The following ZNF804B variants were observed in gnomAD, a reference collection of about 807,000 sequenced individuals.
ZNF804B encodes zinc finger 804B.
ZNF804B carries 80 observed loss-of-function variants against 101.4 expected under a neutral mutation model. That is an observed-to-expected ratio of 0.79 (90% CI 0.66 to 0.95). The LOEUF is 0.95. Ranked by LOEUF, ZNF804B falls within the 40% of genes least tolerant of loss-of-function variation. The probability of loss-of-function intolerance (pLI) is 0.00; values close to 1 mark genes in which losing one functional copy is unlikely to be tolerated. For missense variants in ZNF804B, 1,673 were observed against 1,561.9 expected (o/e 1.07, Z -1.20); for synonymous variants, 622 against 558.8 (o/e 1.11, Z -1.59).
At chr7:89,001,712 T>G (rs1344983488) in intron 1 of ZNF804B, among the ~76,000 whole-genome samples, 1 of 151,928 alleles carries the variant, frequency 6.6e-6, no homozygotes, top group African/African-American at 2.4e-5. Context: ...GGCTAAATAG[T>G]TACTTTCATT....
chr7:89,268,910 G>A (rs957526836), intron 2 of ZNF804B, among the ~76,000 whole-genome samples: 1 of 151,968 alleles, frequency 6.6e-6, no homozygotes, highest in Non-Finnish European at 1.5e-5. Context: ...TCAGGCAGAT[G>A]GTGCCTATTA....
chr7:89,230,212 G>A (rs990687733), intron 2 of ZNF804B, among the ~76,000 whole-genome samples: 2 of 151,746 alleles, frequency 1.3e-5, no homozygotes, highest in Non-Finnish European at 2.9e-5. Flanking sequence ...AACCAATGGT[G>A]AAAATCAATG....
intron 1 of ZNF804B, among the ~76,000 whole-genome samples, chr7:89,036,199 C>T (rs931000354): frequency 1.2e-4 from 18 of 150,680 alleles, no homozygotes; most frequent in African/African-American, 3.2e-4. Context: ...GACAAAATTC[C>T]GAATTATCCA....
At chr7:89,009,504 C>T (rs1788420665) in intron 1 of ZNF804B, among the ~76,000 whole-genome samples, 1 of 152,140 alleles carries the variant, frequency 6.6e-6, no homozygotes, top group Admixed American at 6.6e-5. Context: ...AATTGATGTG[C>T]AATGGACTGA....
intron 1 of ZNF804B, among the ~76,000 whole-genome samples, chr7:88,894,502 G>A (rs554423887): frequency 7.9e-5 from 12 of 152,096 alleles, no homozygotes; most frequent in Non-Finnish European, 1.5e-4. Context: ...GTGAGCCACC[G>A]CCCCTGGCCC....
intron 2 of ZNF804B, among the ~76,000 whole-genome samples, chr7:89,257,442 C>G (rs1267747558): frequency 6.6e-6 from 1 of 151,884 alleles, no homozygotes; most frequent in Non-Finnish European, 1.5e-5. Flanking sequence ...ATCTCTGAGT[C>G]CTAATTTAAT....
chr7:88,813,610 A>G (rs1362179203), intron 1 of ZNF804B, among the ~76,000 whole-genome samples: 2 of 152,104 alleles, frequency 1.3e-5, no homozygotes, highest in African/African-American at 4.8e-5. Flanking sequence ...TGAGATCCAT[A>G]TTATTCTGTT....
intron 2 of ZNF804B, among the ~76,000 whole-genome samples, chr7:89,308,844 T>C (rs575255914): frequency 1.3e-5 from 2 of 152,188 alleles, no homozygotes; most frequent in African/African-American, 4.8e-5. Context: ...GAAGTGGCTG[T>C]TTTTATATTT....
intron 1 of ZNF804B, among the ~76,000 whole-genome samples, chr7:88,883,264 T>C (rs183897983): frequency 6.6e-6 from 1 of 152,230 alleles, no homozygotes; most frequent in African/African-American, 2.4e-5. Flanking sequence ...TCCAGGGAAC[T>C]CCAGAGACTG....
chr7:89,257,657 G>C (rs1789654974), intron 2 of ZNF804B, among the ~76,000 whole-genome samples: 1 of 152,092 alleles, frequency 6.6e-6, no homozygotes, highest in Admixed American at 6.6e-5. Context: ...GTGCAGGTTT[G>C]TTATAGAAGT....
At chr7:89,129,548 C>T (rs762192707) in intron 1 of ZNF804B, among the ~76,000 whole-genome samples, 2 of 152,028 alleles carry the variant, frequency 1.3e-5, no homozygotes, top group Non-Finnish European at 2.9e-5. Context: ...GAGAACAATA[C>T]AGTAGTTCTC....
chr7:89,058,011 A>T (rs141523138), intron 1 of ZNF804B, among the ~76,000 whole-genome samples: 46 of 152,224 alleles, frequency 3.0e-4, no homozygotes, highest in African/African-American at 9.6e-4. Flanking sequence ...AAAAAGAGAA[A>T]CGTTCCAGAG....
In ZNF804B at chr7:88,807,571, CTTAAA is replaced by C. The variant is rs1377927640; in HGVS notation, c.108+47492_108+47496del. Among the ~76,000 whole-genome samples, 3 of 152,244 alleles carry C rather than the reference CTTAAA, an allele frequency of 2.0e-5. No homozygotes were observed. In the East Asian group the frequency reaches 5.8e-4, roughly 29 times the overall value. On this transcript the variant is annotated intron_variant, in intron 1 of 3. Transcript: ENST00000333190. ...GTGTCTGAAGCCAGCATCTATTTAT[CTTAAA>C]TTAATCATTTTTTTTTCTGAGTAAG...
At chr7:89,179,353 T>G (rs1167833495) in intron 1 of ZNF804B, among the ~76,000 whole-genome samples, 2 of 152,152 alleles carry the variant, frequency 1.3e-5, no homozygotes, top group Non-Finnish European at 2.9e-5. Flanking sequence ...TTATATTCTT[T>G]TTTTGTCTCC....
In ZNF804B at chr7:89,335,878, C is replaced by T; in HGVS notation, c.2896C>T (p.Gln966Ter). 6.2e-7 allele frequency: 1 copy of T among 1,614,074 alleles called. No individual in the cohort carries two copies. The highest frequency in any genetic ancestry group is 8.5e-7 in the Non-Finnish European group (1 of 1,179,986). ...EAPSQVPCTI[Q>*]LAPSGCNRQA... ...TCCTTCGCAAGTCCCATGCACAATT[C>T]AACTTGCACCATCAGGCTGTAACAG... Residue 966 changes from glutamine to a stop codon, truncating the protein, a stop_gained, in exon 4 of 4, where the codon CAA becomes TAA. Transcript: ENST00000333190. LOFTEE classifies it high-confidence loss of function.
Position 88,984,705 on chromosome 7 carries a change from T to C in ZNF804B, c.108+224621T>C, listed in dbSNP as rs556958021. Among the ~76,000 whole-genome samples, 4 of 152,184 alleles carry C rather than the reference T, an allele frequency of 2.6e-5. 1 individual carries two copies. In the South Asian group the frequency reaches 8.3e-4, roughly 32 times the overall value. ...AGCAAATTGACTCAGGCCAAATACA[T>C]TTTCTCTATGACACTTTCTATAACA... On this transcript the variant is annotated intron_variant, in intron 1 of 3. Transcript: ENST00000333190.
intron 1 of ZNF804B, among the ~76,000 whole-genome samples, chr7:88,771,901 G>A (rs1393922974): frequency 1.3e-5 from 2 of 151,982 alleles, no homozygotes; most frequent in Admixed American, 1.3e-4. Context: ...AATGATTAAA[G>A]GAAAGAAACC....
chr7:88,929,456 C>A (rs1792851253), intron 1 of ZNF804B, among the ~76,000 whole-genome samples: 1 of 151,878 alleles, frequency 6.6e-6, no homozygotes, highest in Non-Finnish European at 1.5e-5. Flanking sequence ...TGATTATCAG[C>A]AAGTCTTTAT....
intron 2 of ZNF804B, among the ~76,000 whole-genome samples, chr7:89,271,493 A>G (rs544154103): frequency 2.6e-4 from 39 of 152,282 alleles, no homozygotes; most frequent in African/African-American, 9.4e-4. Flanking sequence ...GGATTTTTGC[A>G]TCGATGTTCA....
Sources: allele counts gnomAD v4.1 joint callset (sites outside exome capture counted in the v4.1 genomes callset), GRCh38; gene constraint gnomAD v4.1.1; transcripts MANE v1.5; gene names NCBI Gene and HGNC (gene_info 2026-07-23, HGNC 2026-07-21).